The following ERG variants were observed in gnomAD, a reference collection of about 807,000 sequenced individuals.
The protein encoded by ERG is transcriptional regulator ERG.
Under a neutral mutation model 55.3 loss-of-function variants are expected in ERG, and 9 were observed. That is an observed-to-expected ratio of 0.16 (90% CI 0.10 to 0.28). The LOEUF (loss-of-function observed/expected upper bound fraction) is 0.28, where lower values mean the gene tolerates loss of function less well. ERG is among the 10% of genes least tolerant of loss of function. The pLI, the probability that ERG is intolerant of heterozygous loss-of-function variation, is 1.00. For missense variants in ERG, 434 were observed against 631.6 expected (o/e 0.69, Z 3.35); for synonymous variants, 223 against 237.3 (o/e 0.94, Z 0.55).
At chr21:38,502,883 C>CA (rs35272429), upstream of ERG, among the ~76,000 whole-genome samples, 134,313 of 152,030 alleles carry the variant, frequency 0.88, 59,454 homozygotes, top group Middle Eastern at 0.95. Context: ...CCCGCCACCA[C>CA]CCTGGCTAAT....
intron 1 of ERG, among the ~76,000 whole-genome samples, chr21:38,629,585 C>T (rs1160581772): frequency 2.0e-4 from 31 of 151,880 alleles, no homozygotes; most frequent in Non-Finnish European, 5.9e-5. Context: ...TGAGGATGGC[C>T]AGTAGAAAAA....
chr21:38,370,725 G>T, the ERG span, among the ~76,000 whole-genome samples: 1 of 152,016 alleles, frequency 6.6e-6, no homozygotes, highest in East Asian at 1.9e-4. Context: ...ATTATATCAA[G>T]TATGCATATC....
chr21:38,403,311 T>C (rs1472063700), intron 4 of ERG, among the ~76,000 whole-genome samples, 195 bp downstream of exon 4: 1 of 152,140 alleles, frequency 6.6e-6, no homozygotes, highest in Non-Finnish European at 1.5e-5. Context: ...CGCTGACTAC[T>C]TCTCATCAGG....
chr21:38,535,271 G>C (rs891737674), intron 2 of ERG, among the ~76,000 whole-genome samples: 5 of 152,066 alleles, frequency 3.3e-5, no homozygotes, highest in Admixed American at 6.6e-5. Context: ...CAAAAGGTGG[G>C]AGCATGCAGA....
intron 1 of ERG, among the ~76,000 whole-genome samples, chr21:38,480,747 C>T (rs2059231724): frequency 6.6e-6 from 1 of 151,980 alleles, no homozygotes; most frequent in African/African-American, 2.4e-5. Context: ...TTCATGTAAA[C>T]TCCTTTGCCT....
intron 2 of ERG, chr21:38,575,654 G>A (rs762963214): frequency 2.5e-6 from 4 of 1,612,104 alleles, no homozygotes; most frequent in Non-Finnish European, 3.4e-6. Flanking sequence ...AGCCAAGACG[G>A]GACTTACCTT....
intron 1 of ERG, among the ~76,000 whole-genome samples, chr21:38,631,140 C>T (rs1304881969): frequency 6.6e-6 from 1 of 152,080 alleles, no homozygotes; most frequent in Non-Finnish European, 1.5e-5. Flanking sequence ...TTTGCTTTTT[C>T]CGGGGAGTTG....
At chr21:38,517,924 G>C (rs2059564154) in intron 2 of ERG, among the ~76,000 whole-genome samples, 1 of 152,130 alleles carries the variant, frequency 6.6e-6, no homozygotes, top group Admixed American at 6.6e-5. Flanking sequence ...TGGAGATAGA[G>C]AGTGGAATGA....
chr21:38,627,239 GAACA>G (rs1249589379), intron 1 of ERG, among the ~76,000 whole-genome samples: 1 of 151,924 alleles, frequency 6.6e-6, no homozygotes, highest in African/African-American at 2.4e-5. Flanking sequence ...CAAACAAAAT[GAACA>G]ATCAAACAAA....
chr21:38,414,752 G>C (rs1419140604), intron 3 of ERG, among the ~76,000 whole-genome samples: 1 of 152,094 alleles, frequency 6.6e-6, no homozygotes, highest in Non-Finnish European at 1.5e-5. Flanking sequence ...CCACCACACT[G>C]CCTGACAGGT....
chr21:38,381,404 A>C lies in ERG; in HGVS notation c.*1999T>G. On this transcript the variant is annotated 3_prime_UTR_variant, in exon 10 of 10. Coordinates refer to ENST00000288319, the MANE Select transcript of ERG (RefSeq NM_182918.4). ...GGGAAACTGACTCTAGATTATGGAAATAAACATTGTCTTCAAGGGATAGCC... is the reference window on the plus strand; with the variant it reads ...GGGAAACTGACTCTAGATTATGGAACTAAACATTGTCTTCAAGGGATAGCC... 9.4e-7 allele frequency: 1 copy of C among 1,063,210 alleles called. No homozygotes were observed. Among genetic ancestry groups the C allele is most frequent in the Non-Finnish European group, 1.1e-6 (1 of 877,998 alleles). 65.9% of individuals were successfully genotyped at this position (1,063,210 alleles called of 1,614,324 possible). A position where few individuals can be genotyped will look rare whatever the true frequency, so the allele number is the denominator to read the frequency against.
chr21:38,383,166 T>G lies in ERG; in HGVS notation c.*237A>C. On this transcript the variant is annotated 3_prime_UTR_variant, in exon 10 of 10. Coordinates refer to ENST00000288319, the MANE Select transcript of ERG (RefSeq NM_182918.4). This position sits in a 1 kb window ranked among gnomAD's most constrained non-coding sequence, Gnocchi z 5.7. Reference sequence around the variant, plus strand: ...TCTACATACACTGTCTTTTACAAGGTCAGTCCACAGATGATATGTCCATAT... The same window carrying G: ...TCTACATACACTGTCTTTTACAAGGGCAGTCCACAGATGATATGTCCATAT... The G allele has an allele frequency of 8.1e-7, 1 of 1,229,088 alleles. No individual in the cohort carries two copies. The highest frequency in any genetic ancestry group is 1.0e-6 in the Non-Finnish European group (1 of 984,012). The allele number at this position is 1,229,088 out of a possible 1,614,324, so 76.1% of individuals were successfully genotyped here. A position where few individuals can be genotyped will look rare whatever the true frequency, so the allele number is the denominator to read the frequency against.
chr21:38,516,037 G>A (rs2059549103), intron 2 of ERG, among the ~76,000 whole-genome samples: 1 of 151,898 alleles, frequency 6.6e-6, no homozygotes, highest in Non-Finnish European at 1.5e-5. Flanking sequence ...TACTGAACGG[G>A]GAAAGGCGGA....
intron 1 of ERG, among the ~76,000 whole-genome samples, chr21:38,468,849 G>A (rs868706439): frequency 2.0e-4 from 30 of 151,854 alleles, no homozygotes; most frequent in African/African-American, 7.0e-4. Flanking sequence ...GCCGGGCGTG[G>A]TGGTGGGCGC....
At chr21:38,376,774 T>C (rs2146400268), downstream of ERG, among the ~76,000 whole-genome samples, 1 of 152,362 alleles carries the variant, frequency 6.6e-6, no homozygotes, top group Admixed American at 6.5e-5. Flanking sequence ...CACCAGGTTA[T>C]GGCCCAGCAG....
chr21:38,380,502 A>G lies in ERG; in HGVS notation c.*2901T>C. 9.4e-7 allele frequency: 1 copy of G among 1,065,566 alleles called. No individual in the cohort carries two copies. Among genetic ancestry groups the G allele is most frequent in the Non-Finnish European group, 1.1e-6 (1 of 879,402 alleles). 66.0% of individuals were successfully genotyped at this position (1,065,566 alleles called of 1,614,324 possible). A position where few individuals can be genotyped will look rare whatever the true frequency, so the allele number is the denominator to read the frequency against. The stretch of plus-strand genomic sequence containing the variant: ...AAGAAAAGAAGACAAATCTCTTGCC[A>G]GCAGGAGTAAGATTGTACAGGAGTC... On this transcript the variant is annotated 3_prime_UTR_variant, in exon 10 of 10. Coordinates refer to ENST00000288319, the MANE Select transcript of ERG (RefSeq NM_182918.4).
At chr21:38,610,392 C>T (rs1353626547) in intron 1 of ERG, among the ~76,000 whole-genome samples, 1 of 152,248 alleles carries the variant, frequency 6.6e-6, no homozygotes, top group Non-Finnish European at 1.5e-5. Context: ...GCAACATTCA[C>T]CATCCAAGAA....
In ERG at chr21:38,381,919, A is replaced by G. The variant is rs1379099253; in HGVS notation, c.*1484T>C. On this transcript the variant is annotated 3_prime_UTR_variant, in exon 10 of 10. Transcript: ENST00000288319. Reference sequence around the variant, plus strand: ...TATTTCCTTGGCTCTCCCTTGCACAAGTTCCTGGACAAAGTAAATTATAAC... The same window carrying G: ...TATTTCCTTGGCTCTCCCTTGCACAGGTTCCTGGACAAAGTAAATTATAAC... 1.4e-5 allele frequency: 15 copies of G among 1,063,222 alleles called. No homozygotes were observed. Among genetic ancestry groups the G allele is most frequent in the Non-Finnish European group, 1.7e-5 (15 of 878,008 alleles). 65.9% of individuals were successfully genotyped at this position (1,063,222 alleles called of 1,614,324 possible).
chr21:38,466,300 G>GGGGTGTGT (rs1555903683), intron 1 of ERG, among the ~76,000 whole-genome samples: 137 of 140,682 alleles, frequency 9.7e-4, no homozygotes, highest in East Asian at 2.5e-3. Context: ...GATGGTCTGG[G>GGGGTGTGT]GTGTGTGTGT....
Sources: allele counts gnomAD v4.1 joint callset (sites outside exome capture counted in the v4.1 genomes callset), GRCh38; gene constraint gnomAD v4.1.1; non-coding constraint Gnocchi (gnomAD v3.1); transcripts MANE v1.5; gene names NCBI Gene and HGNC (gene_info 2026-07-23, HGNC 2026-07-21).